AP1M1: variants seen among roughly 807,000 people sequenced by gnomAD.
The protein encoded by AP1M1 is AP-1 complex subunit mu-1.
In AP1M1, 18 loss-of-function variants were observed where a neutral mutation model predicts 57.1. The ratio of observed to expected loss-of-function variants is 0.32; its 90% confidence interval spans 0.22 to 0.47. The LOEUF is 0.47. Ranked by LOEUF, AP1M1 falls within the 20% of genes least tolerant of loss-of-function variation. AP1M1 has a pLI of 1.00. For synonymous variants in AP1M1, 241 were observed against 237.9 expected, an observed-to-expected ratio of 1.01 and a Z score of -0.12; for missense variants, 362 against 593.5, an observed-to-expected ratio of 0.61 and a Z score of 4.05.
chr19:16,208,140 T>C lies in AP1M1; in HGVS notation c.389T>C (p.Ile130Thr), dbSNP rs759206896. The change falls in exon 4 of 12, where the codon ATC becomes ACC. Residue 130 changes from isoleucine to threonine, a missense_variant. Ile to Thr is a moderately conservative substitution (Grantham distance 89). Coordinates refer to ENST00000291439, the MANE Select transcript of AP1M1 (RefSeq NM_032493.4). The part of the protein sequence containing the change: ...FGYPQTTDSK[I>T]LQEYITQEGH... ...TACCCCCAGACCACCGACAGCAAGA[T>C]CCTGCAGGAGTGAGTGGGCAGGGGT... The C allele has an allele frequency of 2.5e-6, 4 of 1,612,876 alleles. No individual in the cohort carries two copies. Among genetic ancestry groups the C allele is most frequent in the Non-Finnish European group, 3.4e-6 (4 of 1,179,402 alleles).
Position 16,208,022 on chromosome 19 carries a change from T to C in AP1M1, c.271T>C (p.Phe91Leu). Residue 91 changes from phenylalanine (F) to leucine (L), a missense_variant, in exon 4 of 12, where the codon TTT (phenylalanine) becomes CTT (leucine). By Grantham distance (22) the Phe-to-Leu change is conservative (BLOSUM62 0). Around this residue, in one of 2 missense-constraint regions of AP1M1, gnomAD observed 337 missense variants for 511.1 expected, o/e 0.66. Coordinates refer to ENST00000291439, the MANE Select transcript of AP1M1 (RefSeq NM_032493.4). The stretch of plus-strand genomic sequence containing the variant: ...CCTCCCTCCCCAACCGCCACAGGTG[T>C]TTTCCGAGTACTTCAAGGAGCTGGA... ...FSFLYKVVQV[F>L]SEYFKELEEE... The C allele has an allele frequency of 6.2e-7, 1 of 1,611,400 alleles. No individual in the cohort carries two copies. The highest frequency in any genetic ancestry group is 8.5e-7 in the Non-Finnish European group (1 of 1,178,728).
rs781666539 is a variant in AP1M1, at chr19:16,228,108, G to A, written c.817-29G>A. The A allele has an allele frequency of 4.1e-5, 66 of 1,611,732 alleles. No homozygotes were observed. The highest frequency in any genetic ancestry group is 5.3e-5 in the Non-Finnish European group (63 of 1,178,856). On this transcript the variant is annotated intron_variant, in intron 7 of 11. Transcript: ENST00000291439. The surrounding 1 kb of genome is among the most constrained non-coding windows in gnomAD (Gnocchi z 5.0). ...GGGCCTTTGTCAAACAAGGCCAGGT[G>A]TGAGCACCCTCTTTGCCCTCCTTGG...
chr19:16,205,356 C>T (rs1036955592), intron 2 of AP1M1, among the ~76,000 whole-genome samples: 3 of 152,172 alleles, frequency 2.0e-5, no homozygotes, highest in Non-Finnish European at 4.4e-5. Context: ...TCAGCAAGGC[C>T]GTGGCTGAGA....
At chr19:16,209,216 C>G (rs1364958057) in intron 5 of AP1M1, 39 bp downstream of exon 5, 1 of 1,606,082 alleles carries the variant, frequency 6.2e-7, no homozygotes. Context: ...AGGGTTTTAT[C>G]TCTTCCACGA....
chr19:16,199,274 C>A (rs533139752), intron 1 of AP1M1, among the ~76,000 whole-genome samples: 1 of 152,272 alleles, frequency 6.6e-6, no homozygotes, highest in Admixed American at 6.5e-5. Flanking sequence ...GGAGGGGTGA[C>A]AAATGGACCA....
At position 16,244,229 on chromosome 19, in the gene AP1M1, A is replaced by G. The variant is rs2091654947; in HGVS notation, c.*9794A>G. 6.6e-6 allele frequency: 1 copy of G among 152,228 alleles called. No individual in the cohort carries two copies. Among genetic ancestry groups the G allele is most frequent in the African/African-American group, 2.4e-5 (1 of 41,472 alleles). 9.4% of individuals were successfully genotyped at this position (152,228 alleles called of 1,614,324 possible). On this transcript the variant is annotated 3_prime_UTR_variant, in exon 12 of 12. Transcript: ENST00000291439. ...CATGCTAAAAGAAAACCACTAACCC[A>G]AATCAGAGACCCAGCAAAAGTATTT...
Position 16,227,784 on chromosome 19 carries a change from C to A in AP1M1, c.816+94C>A, listed in dbSNP as rs2091577663. ...CCCAGGCAGGCGCCAGGGCCAGCCC[C>A]ACCCCACGCTCCATGAGCTGCCTGG... On this transcript the variant is annotated intron_variant, in intron 7 of 11. Transcript: ENST00000291439. This position sits in a 1 kb window ranked among gnomAD's most constrained non-coding sequence, Gnocchi z 6.2. 6.8e-7 allele frequency: 1 copy of A among 1,461,662 alleles called. No individual in the cohort carries two copies. The highest frequency in any genetic ancestry group is 1.8e-5 in the Admixed American group (1 of 55,902). 90.5% of individuals were successfully genotyped at this position (1,461,662 alleles called of 1,614,324 possible).
intron 5 of AP1M1, among the ~76,000 whole-genome samples, chr19:16,213,783 C>CT (rs1258513009): frequency 6.6e-6 from 1 of 152,220 alleles, no homozygotes; most frequent in Non-Finnish European, 1.5e-5. Context: ...GCATGAGCCA[C>CT]TGCACCCAGC....
chr19:16,208,033 C>G lies in AP1M1; in HGVS notation c.282C>G (p.Tyr94Ter), dbSNP rs780828809. The change falls in exon 4 of 12, where the codon TAC becomes TAG. Residue 94 changes from tyrosine to a stop codon, truncating the protein, a stop_gained. Coordinates refer to ENST00000291439, the MANE Select transcript of AP1M1 (RefSeq NM_032493.4). LOFTEE classifies it high-confidence loss of function. Reference sequence around the variant, plus strand: ...AACCGCCACAGGTGTTTTCCGAGTACTTCAAGGAGCTGGAGGAGGAGAGCA... The same window carrying G: ...AACCGCCACAGGTGTTTTCCGAGTAGTTCAAGGAGCTGGAGGAGGAGAGCA... The part of the protein sequence containing the change: ...LYKVVQVFSE[Y>*]FKELEEESIR... The G allele has an allele frequency of 1.2e-6, 2 of 1,613,514 alleles. No homozygotes were observed. Among genetic ancestry groups the G allele is most frequent in the Non-Finnish European group, 1.7e-6 (2 of 1,179,654 alleles).
At chr19:16,221,026 GT>G (rs1251086685) in intron 5 of AP1M1, among the ~76,000 whole-genome samples, 2 of 152,166 alleles carry the variant, frequency 1.3e-5, no homozygotes, top group African/African-American at 4.8e-5. Context: ...TGTTTCTACT[GT>G]TTGGGATTTG....
intron 1 of AP1M1, among the ~76,000 whole-genome samples, chr19:16,202,498 C>T (rs2091452868): frequency 6.6e-6 from 1 of 152,228 alleles, no homozygotes; most frequent in African/African-American, 2.4e-5. Flanking sequence ...AAAGCTTCTT[C>T]ACACCCCTTT....
rs561895494 is a variant in AP1M1, at chr19:16,200,444, G to A, written c.42+2376G>A. Among the ~76,000 whole-genome samples the A allele has an allele frequency of 2.0e-4, 30 of 152,168 alleles. 1 individual carries two copies. In the South Asian group the frequency reaches 3.9e-3, roughly 20 times the overall value. On this transcript the variant is annotated intron_variant, in intron 1 of 11. Coordinates refer to ENST00000291439, the MANE Select transcript of AP1M1 (RefSeq NM_032493.4). ...ACTTCAGTTCCAACCAGGAGCCACC[G>A]TGAGGAGACCGTAGCCCAGAGAGGC...
chr19:16,208,296 A>G (rs1376441062), intron 4 of AP1M1, 147 bp downstream of exon 4: 3 of 846,728 alleles, frequency 3.5e-6, no homozygotes, highest in Non-Finnish European at 5.2e-6. Context: ...GTTTTTACTA[A>G]GTTGCTCTTA....
rs771462229 is a variant in AP1M1, at chr19:16,234,478, G to A, written c.*43G>A. The A allele has an allele frequency of 6.8e-6, 11 of 1,611,328 alleles. No homozygotes were observed. The African/African-American group carries it at 1.1e-4, about 16-fold the overall frequency. On this transcript the variant is annotated 3_prime_UTR_variant, in exon 12 of 12. Coordinates refer to ENST00000291439, the MANE Select transcript of AP1M1 (RefSeq NM_032493.4). ...CACCCCGGCCTCGGGGCTCCTGGTG[G>A]CAGCACCAGGGGACACACCTGCCAA...
At chr19:16,205,205 G>A (rs572109146) in intron 2 of AP1M1, among the ~76,000 whole-genome samples, 185 of 152,290 alleles carry the variant, frequency 1.2e-3, no homozygotes, top group African/African-American at 4.3e-3. Context: ...AGAGGTGGCT[G>A]TGGTCTGAGC....
At chr19:16,215,463 C>CAAAAAAAAAA (rs59357311) in intron 5 of AP1M1, among the ~76,000 whole-genome samples, 5 of 30,970 alleles carry the variant, frequency 1.6e-4, no homozygotes, top group African/African-American at 4.2e-4. Flanking sequence ...GATTCCATCT[C>CAAAAAAAAAA]AAAAAAAAAA....
chr19:16,210,432 C>T, intron 5 of AP1M1: 1 of 716,886 alleles, frequency 1.4e-6, no homozygotes. Flanking sequence ...AACTGCCAAA[C>T]CATTGCTGTT....
At chr19:16,216,483 A>C (rs1221321676) in intron 5 of AP1M1, among the ~76,000 whole-genome samples, 1 of 151,830 alleles carries the variant, frequency 6.6e-6, no homozygotes, top group East Asian at 1.9e-4. Context: ...GAACTACTGC[A>C]GTTTGGAGGA....
intron 5 of AP1M1, among the ~76,000 whole-genome samples, chr19:16,222,749 A>G (rs2091551795): frequency 6.6e-6 from 1 of 152,004 alleles, no homozygotes; most frequent in South Asian, 2.1e-4. Context: ...CTGAGACCAC[A>G]GGCACGCACC....
Sources: allele counts gnomAD v4.1 joint callset (sites outside exome capture counted in the v4.1 genomes callset), GRCh38; gene constraint gnomAD v4.1.1; regional missense constraint gnomAD v4.1.1; non-coding constraint Gnocchi (gnomAD v3.1); transcripts MANE v1.5; gene names NCBI Gene and HGNC (gene_info 2026-07-23, HGNC 2026-07-21).